Variants in PCDH9 observed in about 807,000 individuals in gnomAD.
The protein encoded by PCDH9 is protocadherin 9.
A neutral mutation model predicts 70.6 loss-of-function variants in PCDH9; 24 were observed. The ratio of observed to expected loss-of-function variants is 0.34; its 90% confidence interval spans 0.25 to 0.48. PCDH9 has a LOEUF of 0.48. Among genes scored for constraint, PCDH9 ranks in the 20% least tolerant of loss-of-function variants. The pLI is 0.99. For synonymous variants in PCDH9, 562 were observed against 558.5 expected (o/e 1.01, Z -0.09); for missense variants, 1,281 against 1,503.6 (o/e 0.85, Z 2.45).
intron 3 of PCDH9, among the ~76,000 whole-genome samples, chr13:66,714,135 A>G (rs2078837112): frequency 2.0e-5 from 3 of 152,188 alleles, no homozygotes; most frequent in Admixed American, 2.0e-4. Flanking sequence ...TAGCTGTTGC[A>G]TATAAAGAAA....
chr13:66,920,693 A>T (rs766291269), intron 2 of PCDH9, among the ~76,000 whole-genome samples: 1 of 151,266 alleles, frequency 6.6e-6, no homozygotes, highest in African/African-American at 2.4e-5. Context: ...AGTTTTCTGC[A>T]TTTATGTAAC....
intron 2 of PCDH9, among the ~76,000 whole-genome samples, chr13:67,004,568 G>A (rs9599170): frequency 0.013 from 1,776 of 135,244 alleles, 33 homozygotes; most frequent in Admixed American, 0.052. Context: ...AAAAAAAAAA[G>A]AAAGAAAGAA....
At chr13:66,677,211 T>G (rs1418766148) in intron 3 of PCDH9, among the ~76,000 whole-genome samples, 1 of 152,110 alleles carries the variant, frequency 6.6e-6, no homozygotes, top group African/African-American at 2.4e-5. Context: ...TTATAAATGC[T>G]ATCTAATCAA....
chr13:67,160,199 A>T (rs2087918033), intron 2 of PCDH9, among the ~76,000 whole-genome samples: 2 of 152,240 alleles, frequency 1.3e-5, no homozygotes, highest in South Asian at 2.1e-4. Context: ...CAAAAGTTTT[A>T]TAAGTTTTCT....
rs191090574 is a variant in PCDH9 at position 66,795,815 on chromosome 13, A to G, written c.3138+107689T>C. Among the ~76,000 whole-genome samples, 15 of 152,282 alleles carry G rather than the reference A, an allele frequency of 9.9e-5. No individual in the cohort carries two copies. In the East Asian group the frequency reaches 2.5e-3, roughly 26 times the overall value. ...CTACAACTGAACTTTTACTGTGGCT[A>G]TAAAACAGCATCTCTTTGTTACTAC... On this transcript the variant is annotated intron_variant, in intron 3 of 4. Transcript: ENST00000377865.
At chr13:67,154,383 G>A (rs34254951) in intron 2 of PCDH9, among the ~76,000 whole-genome samples, 17,847 of 151,842 alleles carry the variant, frequency 0.12, 1,378 homozygotes, top group South Asian at 0.23. Context: ...TAGGTGGATC[G>A]CCTGGGCAAC....
intron 2 of PCDH9, among the ~76,000 whole-genome samples, chr13:66,947,629 A>G (rs759658479): frequency 6.6e-6 from 1 of 152,146 alleles, no homozygotes; most frequent in Non-Finnish European, 1.5e-5. Context: ...TGGAGATTAG[A>G]GGACTAGACC....
chr13:66,684,346 G>A (rs1294950495), intron 3 of PCDH9, among the ~76,000 whole-genome samples: 1 of 152,056 alleles, frequency 6.6e-6, no homozygotes. Context: ...CCATCAATTC[G>A]GTAGTGTTGT....
chr13:66,614,845 G>A (rs540266210), intron 4 of PCDH9, among the ~76,000 whole-genome samples: 19 of 152,254 alleles, frequency 1.2e-4, no homozygotes, highest in Middle Eastern at 3.4e-3. Flanking sequence ...ATAACCTGAC[G>A]CGTCCACCCT....
intron 2 of PCDH9, chr13:67,201,924 C>T (rs2089222804): frequency 6.6e-6 from 1 of 151,926 alleles, no homozygotes; most frequent in African/African-American, 2.4e-5. Flanking sequence ...ATTATTCATA[C>T]ATTATAGTAC....
intron 2 of PCDH9, among the ~76,000 whole-genome samples, chr13:67,029,095 T>C (rs2084852733): frequency 1.3e-5 from 2 of 152,196 alleles, no homozygotes; most frequent in South Asian, 4.1e-4. Flanking sequence ...AAAAATATGA[T>C]CTGTTTTCAA....
intron 2 of PCDH9, among the ~76,000 whole-genome samples, chr13:67,134,895 C>T (rs149646464): frequency 4.3e-4 from 66 of 152,172 alleles, no homozygotes; most frequent in South Asian, 8.3e-4. Flanking sequence ...GATAAAGTCA[C>T]GCTGTGTTGG....
chr13:66,643,720 T>G (rs1327131291), intron 3 of PCDH9, among the ~76,000 whole-genome samples: 1 of 152,084 alleles, frequency 6.6e-6, no homozygotes, highest in Non-Finnish European at 1.5e-5. Context: ...CATGACACTC[T>G]CAAACATTAT....
intron 3 of PCDH9, among the ~76,000 whole-genome samples, chr13:66,655,777 A>G (rs933185577): frequency 2.6e-5 from 4 of 152,338 alleles, no homozygotes; most frequent in East Asian, 1.9e-4. Context: ...AAATCAAAAA[A>G]CATCCTAAAA....
chr13:66,757,173 C>T (rs567861959), intron 3 of PCDH9, among the ~76,000 whole-genome samples: 1 of 152,116 alleles, frequency 6.6e-6, no homozygotes, highest in Non-Finnish European at 1.5e-5. Flanking sequence ...CTTGCATTTG[C>T]GGTCTTCGGT....
intron 3 of PCDH9, among the ~76,000 whole-genome samples, chr13:66,666,427 G>GTTTT (rs5804288): frequency 6.7e-6 from 1 of 149,612 alleles, no homozygotes; most frequent in African/African-American, 2.5e-5. Flanking sequence ...GATGTTCTGT[G>GTTTT]TTTTTTTTTT....
At chr13:67,210,541 G>T (rs2089447520) in intron 2 of PCDH9, 1 of 152,014 alleles carries the variant, frequency 6.6e-6, no homozygotes, top group African/African-American at 2.4e-5. Flanking sequence ...CCAGATGGAT[G>T]TTGGGTGGCA....
rs551615714 is a variant in PCDH9 at position 66,746,617 on chromosome 13, A to T, written c.3139-115206T>A. Among the ~76,000 whole-genome samples, 3 of 152,320 alleles carry T rather than the reference A, an allele frequency of 2.0e-5. No individual in the cohort carries two copies. The South Asian group carries it at 6.2e-4, about 32-fold the overall frequency. ...CTTAAATACTTTGAGAAAAGTGAAA[A>T]TAAGTATATACAATTTGATTTGTAT... On this transcript the variant is annotated intron_variant, in intron 3 of 4. Transcript: ENST00000377865.
chr13:66,323,209 T>C (rs1186751872), intron 4 of PCDH9: 2 of 151,998 alleles, frequency 1.3e-5, no homozygotes, highest in African/African-American at 2.4e-5. Flanking sequence ...AATAAGGAAA[T>C]GTACCTCTAA....
Sources: allele counts gnomAD v4.1 joint callset (sites outside exome capture counted in the v4.1 genomes callset), GRCh38; gene constraint gnomAD v4.1.1; transcripts MANE v1.5; gene names NCBI Gene and HGNC (gene_info 2026-07-23, HGNC 2026-07-21).